Variants in ZNF804A observed in about 807,000 individuals in gnomAD.
ZNF804A encodes the protein zinc finger protein 804A.
ZNF804A carries 2 observed loss-of-function variants against 16.5 expected under a neutral mutation model. That is an observed-to-expected ratio of 0.12 (90% CI 0.05 to 0.38). The LOEUF (loss-of-function observed/expected upper bound fraction) is 0.38. Ranked by LOEUF, ZNF804A falls within the 10% of genes least tolerant of loss-of-function variation. The pLI is 0.99. For missense variants in ZNF804A, 1,473 were observed against 1,390.7 expected (o/e 1.06, Z -0.94); for synonymous variants, 534 against 489.6 (o/e 1.09, Z -1.20).
intron 1 of ZNF804A, among the ~76,000 whole-genome samples, chr2:184,763,017 T>C (rs1459743572): frequency 1.3e-5 from 2 of 152,184 alleles, no homozygotes; most frequent in South Asian, 4.1e-4. Flanking sequence ...TATGTAAAAA[T>C]GTATCAAATA....
intron 1 of ZNF804A, among the ~76,000 whole-genome samples, chr2:184,638,950 G>C (rs1183295750): frequency 6.6e-6 from 1 of 151,460 alleles, no homozygotes; most frequent in Non-Finnish European, 1.5e-5. Context: ...TAAAGTCACA[G>C]TTTATACTAT....
rs1369937454 is a variant in ZNF804A at position 184,629,173 on chromosome 2, T to A, written c.111+30103T>A. On this transcript the variant is annotated intron_variant, in intron 1 of 3. Coordinates refer to ENST00000302277, the MANE Select transcript of ZNF804A (RefSeq NM_194250.2). ...TCTTTATATATTCATAGTATATTCCTTTGTTGATTTTATGTGTTGAAAACC... is the reference window on the plus strand; with the variant it reads ...TCTTTATATATTCATAGTATATTCCATTGTTGATTTTATGTGTTGAAAACC... 3.3e-5 allele frequency among the ~76,000 whole-genome samples: 5 copies of A among 152,172 alleles called. No individual in the cohort carries two copies. In the East Asian group the frequency reaches 9.6e-4, roughly 29 times the overall value.
intron 1 of ZNF804A, among the ~76,000 whole-genome samples, chr2:184,803,937 A>G (rs933681129): frequency 6.6e-6 from 1 of 151,986 alleles, no homozygotes; most frequent in African/African-American, 2.4e-5. Context: ...ATCTCGGCTC[A>G]CTGCAACCTC....
chr2:184,765,758 G>A (rs1045061641), intron 1 of ZNF804A, among the ~76,000 whole-genome samples: 2 of 151,896 alleles, frequency 1.3e-5, no homozygotes, highest in Admixed American at 6.6e-5. Flanking sequence ...TATACGGCTC[G>A]TCCTGCTACA....
chr2:184,869,217 T>C (rs899902754), intron 2 of ZNF804A, among the ~76,000 whole-genome samples: 25 of 151,842 alleles, frequency 1.6e-4, no homozygotes, highest in African/African-American at 6.0e-4. Context: ...CAAAATCCAT[T>C]TGGCCTTCAA....
chr2:184,904,001 C>A (rs1230056873), intron 2 of ZNF804A, among the ~76,000 whole-genome samples: 2 of 151,930 alleles, frequency 1.3e-5, no homozygotes, highest in East Asian at 1.9e-4. Flanking sequence ...CCTGTTAGAG[C>A]TAATAAATTT....
chr2:184,818,967 T>C (rs1695027116), intron 1 of ZNF804A, among the ~76,000 whole-genome samples: 1 of 151,154 alleles, frequency 6.6e-6, no homozygotes, highest in Non-Finnish European at 1.5e-5. Flanking sequence ...CTAGTAGGAG[T>C]CTAACACCCC....
intron 1 of ZNF804A, among the ~76,000 whole-genome samples, chr2:184,808,032 A>G (rs1369099413): frequency 6.6e-6 from 1 of 151,596 alleles, no homozygotes; most frequent in East Asian, 1.9e-4. Flanking sequence ...GAATTGCAGA[A>G]TTAGCAACAA....
chr2:184,607,936 C>CTTTTTT lies in ZNF804A; in HGVS notation c.111+8888_111+8893dup, dbSNP rs34262998. Among the ~76,000 whole-genome samples the CTTTTTT allele has an allele frequency of 4.2e-3, 278 of 65,654 alleles. 70 individuals are homozygous for CTTTTTT. Among genetic ancestry groups the CTTTTTT allele is most frequent in the African/African-American group, 6.8e-3 (104 of 15,224 alleles). 43.1% of individuals were successfully genotyped at this position (65,654 alleles called of 152,430 possible). A position where few individuals can be genotyped will look rare whatever the true frequency, so the allele number is the denominator to read the frequency against. ...CACCATGGAGAACCTTGATGCATCT[C>CTTTTTT]TTTTTTTTTTTTTTTTTTTTTTTTT... On this transcript the variant is annotated intron_variant, in intron 1 of 3. Coordinates refer to ENST00000302277, the MANE Select transcript of ZNF804A (RefSeq NM_194250.2).
intron 1 of ZNF804A, among the ~76,000 whole-genome samples, chr2:184,762,212 T>A (rs201281688): frequency 4.2e-4 from 1 of 2,392 alleles, no homozygotes; most frequent in Non-Finnish European, 9.0e-4. Context: ...TTTTCTTTTC[T>A]TTTTTTTTTT....
intron 1 of ZNF804A, among the ~76,000 whole-genome samples, chr2:184,739,188 G>C (rs1046909699): frequency 2.0e-5 from 3 of 152,068 alleles, no homozygotes; most frequent in African/African-American, 7.2e-5. Flanking sequence ...GGTTACATTT[G>C]ATCCCTAATT....
Position 184,936,296 on chromosome 2 carries a change from T to C in ZNF804A, c.900T>C (p.Ser300=), listed in dbSNP as rs1685784375. ...TVQTQEIKEV[S]SEKDALLLPS... is the part of the protein sequence containing the mutation. ...AAACTCAAGAGATAAAAGAAGTCTCTAGTGAAAAAGATGCATTATTATTAC... is the reference window on the plus strand; with the variant it reads ...AAACTCAAGAGATAAAAGAAGTCTCCAGTGAAAAAGATGCATTATTATTAC... The change falls in exon 4 of 4, where the codon TCT becomes TCC. Residue 300 remains serine, a synonymous_variant. Transcript: ENST00000302277. The C allele has an allele frequency of 1.9e-6, 3 of 1,613,886 alleles. No homozygotes were observed. Among genetic ancestry groups the C allele is most frequent in the Non-Finnish European group, 2.5e-6 (3 of 1,179,912 alleles).
intron 1 of ZNF804A, among the ~76,000 whole-genome samples, chr2:184,805,673 T>A (rs1226041677): frequency 6.6e-6 from 1 of 152,054 alleles, no homozygotes; most frequent in Non-Finnish European, 1.5e-5. Flanking sequence ...GATTTTAACC[T>A]CTTTTTCAGA....
chr2:184,884,402 C>G (rs539444769), intron 2 of ZNF804A, among the ~76,000 whole-genome samples: 1 of 152,064 alleles, frequency 6.6e-6, no homozygotes. Context: ...TAGTGCAATT[C>G]CTACCAAACT....
intron 1 of ZNF804A, among the ~76,000 whole-genome samples, chr2:184,630,285 C>T (rs889887059): frequency 6.6e-6 from 1 of 152,096 alleles, no homozygotes; most frequent in African/African-American, 2.4e-5. Context: ...AATTTGGATA[C>T]GGAAGTCCAG....
At chr2:184,893,004 C>T (rs1023813148) in intron 2 of ZNF804A, among the ~76,000 whole-genome samples, 7 of 151,956 alleles carry the variant, frequency 4.6e-5, no homozygotes, top group East Asian at 1.9e-4. Context: ...AATAATATAT[C>T]GTATTTTTCC....
At chr2:184,628,187 G>A (rs1691537759) in intron 1 of ZNF804A, among the ~76,000 whole-genome samples, 5 of 152,118 alleles carry the variant, frequency 3.3e-5, no homozygotes, top group Admixed American at 3.3e-4. Flanking sequence ...GGTGGCGCAT[G>A]CCTGCAATCC....
chr2:184,910,822 A>G (rs907444851), intron 2 of ZNF804A, among the ~76,000 whole-genome samples: 1 of 151,568 alleles, frequency 6.6e-6, no homozygotes, highest in Non-Finnish European at 1.5e-5. Flanking sequence ...TAATAAGATT[A>G]TTTGCTTTTT....
intron 1 of ZNF804A, among the ~76,000 whole-genome samples, chr2:184,738,125 T>A (rs7595636): frequency 0.088 from 9,987 of 113,882 alleles, 1,210 homozygotes; most frequent in African/African-American, 0.29. Flanking sequence ...GAACTTTGTC[T>A]AAAAAAAAAA....
Sources: allele counts gnomAD v4.1 joint callset (sites outside exome capture counted in the v4.1 genomes callset), GRCh38; gene constraint gnomAD v4.1.1; transcripts MANE v1.5; gene names NCBI Gene and HGNC (gene_info 2026-07-23, HGNC 2026-07-21).